ENKUR: variants seen among roughly 807,000 people sequenced by gnomAD.
ENKUR encodes enkurin, TRPC channel interacting protein, also known as enkurin.
In ENKUR, 19 loss-of-function variants were observed where a neutral mutation model predicts 27.6. That is an observed-to-expected ratio of 0.69 (90% CI 0.48 to 1.01). ENKUR has a LOEUF of 1.01. Among genes scored for constraint, ENKUR ranks in the 50% least tolerant of loss-of-function variants. The pLI, the probability that ENKUR is intolerant of heterozygous loss-of-function variation, is 0.00. For synonymous variants in ENKUR, 117 were observed against 96.9 expected (o/e 1.21, Z -1.22); for missense variants, 312 against 310.5 (o/e 1.00, Z -0.04).
chr10:25,024,895 C>G (rs773568062), intron 2 of ENKUR: 18 of 1,613,774 alleles, frequency 1.1e-5, no homozygotes, highest in Non-Finnish European at 1.5e-5. Context: ...AAAACTAGCA[C>G]AAACCTTTTC....
intron 1 of ENKUR, chr10:25,061,516 C>T (rs1041771922): frequency 9.7e-6 from 2 of 206,452 alleles, no homozygotes; most frequent in African/African-American, 4.6e-5. Flanking sequence ...AAGGAAAAAA[C>T]TTTGGTGATC....
chr10:25,036,524 A>T (rs1240131839), intron 2 of ENKUR, among the ~76,000 whole-genome samples: 2 of 152,194 alleles, frequency 1.3e-5, no homozygotes, highest in Non-Finnish European at 2.9e-5. Flanking sequence ...TTGGGGAAAG[A>T]TCACAGTTTT....
At position 25,025,553 on chromosome 10, in the gene ENKUR, ATATCTC is replaced by A. The variant is rs1268915189; in HGVS notation, c.38-29690_38-29685del. ...CAGTAGCATTTTGTCTTTTATGTAAATATCTCTATATCTGTTTGGAATTTCAAAAGT... is the reference window on the plus strand; with the variant it reads ...CAGTAGCATTTTGTCTTTTATGTAAATATATCTGTTTGGAATTTCAAAAGT... On this transcript the variant is annotated intron_variant, in intron 2 of 5. Coordinates refer to the ENKUR transcript ENST00000615958. The A allele has an allele frequency of 1.1e-5, 12 of 1,140,710 alleles. No individual in the cohort carries two copies. In the Admixed American group the frequency reaches 1.6e-4, roughly 15 times the overall value. 70.7% of individuals were successfully genotyped at this position (1,140,710 alleles called of 1,614,324 possible).
chr10:25,024,094 A>G lies in ENKUR; in HGVS notation c.38-28225T>C, dbSNP rs772572245. ...CCTAGTAGGAGCAACCTACGTAGAA[A>G]GAGCACAGATACTGTTGGAAAGATG... On this transcript the variant is annotated intron_variant, in intron 2 of 5. Coordinates refer to the ENKUR transcript ENST00000615958. The G allele has an allele frequency of 6.8e-6, 11 of 1,614,214 alleles. No homozygotes were observed. In the South Asian group the frequency reaches 7.7e-5, roughly 11 times the overall value.
In ENKUR at chr10:24,984,212, G is replaced by T; in HGVS notation, c.*158C>A. 2.8e-6 allele frequency: 2 copies of T among 722,062 alleles called. No individual in the cohort carries two copies. 44.7% of individuals were successfully genotyped at this position (722,062 alleles called of 1,614,324 possible). ...CGAATACTGAAAATATTTCTCACTG[G>T]GAATAACTGCAAATGTCATGGGCCA... On this transcript the variant is annotated 3_prime_UTR_variant, in exon 6 of 6. Coordinates refer to ENST00000331161, the MANE Select transcript of ENKUR (RefSeq NM_145010.4).
intron 4 of ENKUR, among the ~76,000 whole-genome samples, chr10:24,988,188 C>A (rs895518524): frequency 6.7e-6 from 1 of 149,518 alleles, no homozygotes; most frequent in Admixed American, 6.7e-5. Flanking sequence ...CATGCCACTG[C>A]ACTTCAGCCT....
chr10:25,025,010 G>C (rs754987326), intron 2 of ENKUR: 5 of 1,614,142 alleles, frequency 3.1e-6, no homozygotes, highest in Non-Finnish European at 4.2e-6. Flanking sequence ...CGATTAGAAA[G>C]TCAGCATCAT....
intron 2 of ENKUR, among the ~76,000 whole-genome samples, chr10:25,059,597 G>A (rs1851303831): frequency 6.6e-6 from 1 of 152,176 alleles, no homozygotes; most frequent in African/African-American, 2.4e-5. Flanking sequence ...CCAGCACACA[G>A]ACCAGTGCCT....
chr10:24,984,346 GT>G lies in ENKUR; in HGVS notation c.*23del. ...TATTTCCAGTTCAAAATACTTAACAGTTTTCAAAGTTGTGCTGTTGGTATCA... is the reference window on the plus strand; with the variant it reads ...TATTTCCAGTTCAAAATACTTAACAGTTTCAAAGTTGTGCTGTTGGTATCA... On this transcript the variant is annotated 3_prime_UTR_variant, in exon 6 of 6. Coordinates refer to ENST00000331161, the MANE Select transcript of ENKUR (RefSeq NM_145010.4). 2 of 1,407,024 alleles carry G rather than the reference GT, an allele frequency of 1.4e-6. No homozygotes were observed. Among genetic ancestry groups the G allele is most frequent in the East Asian group, 2.6e-5 (1 of 37,748 alleles). 87.2% of individuals were successfully genotyped at this position (1,407,024 alleles called of 1,614,324 possible).
chr10:25,017,331 C>T (rs1850622981), upstream of ENKUR, among the ~76,000 whole-genome samples: 1 of 152,084 alleles, frequency 6.6e-6, no homozygotes, highest in Non-Finnish European at 1.5e-5. Context: ...GACGCTTTTA[C>T]CCGAGTGTTT....
chr10:25,016,979 C>T (rs1201200548), upstream of ENKUR, among the ~76,000 whole-genome samples: 1 of 152,168 alleles, frequency 6.6e-6, no homozygotes, highest in Non-Finnish European at 1.5e-5. Context: ...TGTGTGAGTG[C>T]GCGCACGGGG....
chr10:25,032,934 C>G (rs1850953690), intron 2 of ENKUR, among the ~76,000 whole-genome samples: 1 of 152,068 alleles, frequency 6.6e-6, no homozygotes, highest in African/African-American at 2.4e-5. Context: ...TTTATTATCT[C>G]TTAATAAATT....
At chr10:25,050,795 G>A (rs991876969) in intron 2 of ENKUR, among the ~76,000 whole-genome samples, 9 of 152,108 alleles carry the variant, frequency 5.9e-5, no homozygotes, top group African/African-American at 1.9e-4. Context: ...ACAAGGGAAT[G>A]TCTATGAGAC....
intron 2 of ENKUR, among the ~76,000 whole-genome samples, chr10:25,053,810 A>G (rs534457128): frequency 6.6e-6 from 1 of 152,208 alleles, no homozygotes; most frequent in Non-Finnish European, 1.5e-5. Flanking sequence ...TAAATTTATG[A>G]TAAAATATTT....
At chr10:25,031,969 C>T (rs1850939966) in intron 2 of ENKUR, among the ~76,000 whole-genome samples, 1 of 151,974 alleles carries the variant, frequency 6.6e-6, no homozygotes, top group African/African-American at 2.4e-5. Flanking sequence ...CCACTGTGGC[C>T]AGCTAAGGAA....
intron 1 of ENKUR, among the ~76,000 whole-genome samples, chr10:25,010,983 T>C (rs1275891744): frequency 2.6e-5 from 4 of 151,318 alleles, no homozygotes; most frequent in African/African-American, 9.7e-5. Flanking sequence ...CTGGGTCAAA[T>C]GGTATTTCTA....
chr10:24,990,752 G>T, intron 3 of ENKUR, 143 bp from the exon 4 acceptor site: 1 of 815,564 alleles, frequency 1.2e-6, no homozygotes, highest in Non-Finnish European at 1.8e-6. Context: ...AAAATTCAGT[G>T]ACTTTTTTCC....
chr10:24,994,708 T>G (rs1850005717), intron 3 of ENKUR, among the ~76,000 whole-genome samples: 1 of 152,162 alleles, frequency 6.6e-6, no homozygotes, highest in Non-Finnish European at 1.5e-5. Flanking sequence ...TAAGATTTTT[T>G]GTAAGCTTTT....
intron 2 of ENKUR, among the ~76,000 whole-genome samples, chr10:25,052,098 T>C (rs1851192498): frequency 6.6e-6 from 1 of 152,264 alleles, no homozygotes; most frequent in African/African-American, 2.4e-5. Context: ...TAGAAAGTTA[T>C]GTTCCTTAGA....
Sources: allele counts gnomAD v4.1 joint callset (sites outside exome capture counted in the v4.1 genomes callset), GRCh38; gene constraint gnomAD v4.1.1; transcripts MANE v1.5; gene names NCBI Gene and HGNC (gene_info 2026-07-23, HGNC 2026-07-21).